Variants in PTPRD observed in about 807,000 individuals in gnomAD.
PTPRD encodes receptor-type tyrosine-protein phosphatase delta.
In PTPRD, 34 loss-of-function variants were observed where a neutral mutation model predicts 214.5. That is an observed-to-expected ratio of 0.16 (90% confidence interval 0.12 to 0.21). The LOEUF is 0.21. Among genes scored for constraint, PTPRD ranks in the 10% least tolerant of loss-of-function variants. The pLI is 1.00. For synonymous variants in PTPRD, 1,128 were observed against 845.7 expected (o/e 1.33, Z -5.79); for missense variants, 2,545 against 2,398.7 (o/e 1.06, Z -1.27).
chr9:10,555,823 T>C (rs1038875666), intron 2 of PTPRD, among the ~76,000 whole-genome samples: 7 of 152,148 alleles, frequency 4.6e-5, no homozygotes, highest in African/African-American at 1.4e-4. Context: ...TCTAAGATTC[T>C]TTCAAGTAAA....
intron 5 of PTPRD, among the ~76,000 whole-genome samples, chr9:9,933,112 G>C (rs1329021296): frequency 2.6e-5 from 4 of 152,074 alleles, no homozygotes; most frequent in African/African-American, 9.7e-5. Context: ...GGTACCAGCC[G>C]CTGCAAAATC....
At position 9,396,804 on chromosome 9, in the gene PTPRD, C is replaced by T. The variant is rs117380230; in HGVS notation, c.-203+645G>A. Among the ~76,000 whole-genome samples the T allele has an allele frequency of 9.1e-4, 139 of 152,102 alleles. No homozygotes were observed. In the East Asian group the frequency reaches 0.011, roughly 12 times the overall value. ...AATGAGTAACAATTTTATGTAGAGT[C>T]TTCTTTCTCTAAGTCTGGCAATGTG... On this transcript the variant is annotated intron_variant, in intron 9 of 45. Transcript: ENST00000381196.
At chr9:10,285,846 C>T (rs999302611) in intron 3 of PTPRD, among the ~76,000 whole-genome samples, 11 of 151,754 alleles carry the variant, frequency 7.2e-5, no homozygotes, top group African/African-American at 2.4e-4. Context: ...CCTGACCTCG[C>T]GATCCGCCCG....
intron 14 of PTPRD, among the ~76,000 whole-genome samples, chr9:8,629,373 C>T (rs891143820): frequency 2.2e-4 from 33 of 151,828 alleles, no homozygotes; most frequent in African/African-American, 8.0e-4. Flanking sequence ...TTTTCATCCT[C>T]AGTTATCACT....
chr9:9,589,214 T>G (rs1219524064), intron 7 of PTPRD, among the ~76,000 whole-genome samples: 1 of 152,052 alleles, frequency 6.6e-6, no homozygotes, highest in African/African-American at 2.4e-5. Context: ...AAATATTTGA[T>G]AGTAAAACAT....
At chr9:9,057,832 G>T (rs912193576) in intron 10 of PTPRD, among the ~76,000 whole-genome samples, 2 of 152,052 alleles carry the variant, frequency 1.3e-5, no homozygotes, top group African/African-American at 4.8e-5. Context: ...CTGAGTAGCT[G>T]TTATCAGTCA....
At chr9:9,556,018 A>G (rs2154288115) in intron 8 of PTPRD, among the ~76,000 whole-genome samples, 1 of 152,100 alleles carries the variant, frequency 6.6e-6, no homozygotes, top group Admixed American at 6.5e-5. Context: ...AATGTGGGGG[A>G]CCCCACAGGT....
chr9:9,385,130 A>T (rs2063492460), intron 9 of PTPRD, among the ~76,000 whole-genome samples: 1 of 152,136 alleles, frequency 6.6e-6, no homozygotes, highest in South Asian at 2.1e-4. Flanking sequence ...TAATATCAAC[A>T]GAAAAAAAGA....
chr9:8,837,807 T>C (rs2097466617), intron 11 of PTPRD, among the ~76,000 whole-genome samples: 1 of 152,208 alleles, frequency 6.6e-6, no homozygotes, highest in Admixed American at 6.5e-5. Context: ...CAGCCTGATA[T>C]TCCCTTTAAA....
intron 7 of PTPRD, among the ~76,000 whole-genome samples, chr9:9,611,339 GTGAA>G (rs1292303332): frequency 6.6e-6 from 1 of 151,450 alleles, no homozygotes; most frequent in Non-Finnish European, 1.5e-5. Context: ...TCCACCAGCA[GTGAA>G]TGAAGAGCAT....
At chr9:9,689,022 A>C (rs978955243) in intron 7 of PTPRD, among the ~76,000 whole-genome samples, 1 of 151,968 alleles carries the variant, frequency 6.6e-6, no homozygotes, top group African/African-American at 2.4e-5. Flanking sequence ...AATTAATGTT[A>C]AATTAAATGT....
chr9:9,453,890 A>G (rs1017211399), intron 8 of PTPRD, among the ~76,000 whole-genome samples: 2 of 151,740 alleles, frequency 1.3e-5, no homozygotes, highest in East Asian at 1.9e-4. Context: ...TCTTCAATCC[A>G]TCACTGCTAC....
At chr9:8,348,633 T>C (rs1390677759) in intron 39 of PTPRD, among the ~76,000 whole-genome samples, 1 of 152,152 alleles carries the variant, frequency 6.6e-6, no homozygotes, top group Non-Finnish European at 1.5e-5. Flanking sequence ...TAGGCATTGA[T>C]CTCACTGTTA....
chr9:9,375,888 A>G (rs912672811), intron 9 of PTPRD, among the ~76,000 whole-genome samples: 12 of 152,178 alleles, frequency 7.9e-5, no homozygotes, highest in Non-Finnish European at 1.8e-4. Context: ...CAGTGTTAAA[A>G]TACTTAATGC....
chr9:8,829,546 T>A (rs185508683), intron 11 of PTPRD, among the ~76,000 whole-genome samples: 1 of 152,202 alleles, frequency 6.6e-6, no homozygotes, highest in Non-Finnish European at 1.5e-5. Context: ...TATGGAAATC[T>A]TTATCATAAC....
intron 14 of PTPRD, among the ~76,000 whole-genome samples, chr9:8,568,988 T>G (rs1805195499): frequency 6.6e-6 from 1 of 152,050 alleles, no homozygotes; most frequent in South Asian, 2.1e-4. Context: ...GCTTCCCAAG[T>G]TTAAGTTCAA....
In PTPRD at chr9:9,276,473, A is replaced by T. The variant is rs189052116; in HGVS notation, c.-202-93110T>A. 8.6e-5 allele frequency among the ~76,000 whole-genome samples: 13 copies of T among 151,480 alleles called. No homozygotes were observed. In the East Asian group the frequency reaches 2.6e-3, roughly 30 times the overall value. ...TTTCTCAGAGATGGTCTTGGCAATTAGATGGCAATGGAAATTCTAGATCAA... is the reference window on the plus strand; with the variant it reads ...TTTCTCAGAGATGGTCTTGGCAATTTGATGGCAATGGAAATTCTAGATCAA... On this transcript the variant is annotated intron_variant, in intron 9 of 45. Coordinates refer to ENST00000381196, the MANE Select transcript of PTPRD (RefSeq NM_002839.4).
At chr9:9,346,986 C>T (rs1003730156) in intron 9 of PTPRD, among the ~76,000 whole-genome samples, 2 of 152,080 alleles carry the variant, frequency 1.3e-5, no homozygotes, top group Admixed American at 6.6e-5. Flanking sequence ...AGCCATTGTG[C>T]CTGGCCAATT....
intron 9 of PTPRD, among the ~76,000 whole-genome samples, chr9:9,261,905 T>C (rs973437580): frequency 6.6e-6 from 1 of 151,680 alleles, no homozygotes; most frequent in Non-Finnish European, 1.5e-5. Flanking sequence ...ATTTCTATTA[T>C]TTTCCCAGGA....
Sources: gnomAD v4.1 joint callset for allele counts (sites outside exome capture counted in the v4.1 genomes callset) on GRCh38, gnomAD v4.1.1 for gene constraint, MANE v1.5 for transcripts, NCBI Gene and HGNC (gene_info 2026-07-23, HGNC 2026-07-21) for gene names.